Variants in ANKFN1 observed in about 807,000 individuals in gnomAD.
The protein encoded by ANKFN1 is ankyrin repeat and fibronectin type III domain containing 1.
Under a neutral mutation model 108.7 loss-of-function variants are expected in ANKFN1, and 74 were observed. The observed-to-expected ratio is 0.68, with a 90% CI of 0.56 to 0.83. The LOEUF (loss-of-function observed/expected upper bound fraction) is 0.83. ANKFN1 is among the 40% of genes least tolerant of loss of function. The probability of loss-of-function intolerance (pLI) is 0.00; values close to 1 mark genes in which losing one functional copy is unlikely to be tolerated. For synonymous variants in ANKFN1, 547 were observed against 516.2 expected, an observed-to-expected ratio of 1.06 and a Z score of -0.81; for missense variants, 1,505 against 1,382.3, an observed-to-expected ratio of 1.09 and a Z score of -1.41.
intron 3 of ANKFN1, among the ~76,000 whole-genome samples, chr17:56,249,233 G>A (rs1019697279): frequency 3.3e-5 from 5 of 152,044 alleles, no homozygotes; most frequent in African/African-American, 7.2e-5. Context: ...TCAGGAGTTC[G>A]AGACCAGCCT....
At chr17:56,256,945 A>G (rs1004148792) in intron 3 of ANKFN1, among the ~76,000 whole-genome samples, 9 of 152,352 alleles carry the variant, frequency 5.9e-5, no homozygotes, top group African/African-American at 2.2e-4. Flanking sequence ...ATTCATTCAT[A>G]TTAGTCCCAG....
chr17:56,133,635 A>G (rs7216425), intron 4 of ANKFN1, among the ~76,000 whole-genome samples: 23,898 of 131,704 alleles, frequency 0.18, 2,069 homozygotes, highest in East Asian at 0.4. Flanking sequence ...GCTACATTCC[A>G]TCACTCTACA....
chr17:56,473,489 C>T (rs1461009486), intron 15 of ANKFN1: 3 of 151,760 alleles, frequency 2.0e-5, no homozygotes, highest in Non-Finnish European at 4.4e-5. Context: ...ATGGCGAAAC[C>T]CCATCTTTAC....
intron 4 of ANKFN1, among the ~76,000 whole-genome samples, chr17:56,136,694 T>C (rs1252339649): frequency 6.6e-6 from 1 of 152,192 alleles, no homozygotes; most frequent in Non-Finnish European, 1.5e-5. Context: ...ACCTACAGAA[T>C]AGAGGGGACA....
chr17:56,313,318 T>C (rs569018328), intron 3 of ANKFN1, among the ~76,000 whole-genome samples: 1 of 152,256 alleles, frequency 6.6e-6, no homozygotes, highest in East Asian at 1.9e-4. Flanking sequence ...TGGAACAGTA[T>C]GTGCAAAGAT....
At chr17:56,231,381 A>C (rs184643168) in intron 3 of ANKFN1, among the ~76,000 whole-genome samples, 92 of 152,198 alleles carry the variant, frequency 6.0e-4, no homozygotes, top group African/African-American at 2.0e-3. Context: ...TTTGCAGAGG[A>C]GGTCTATGGC....
At chr17:56,365,813 G>A (rs986644841) in intron 6 of ANKFN1, among the ~76,000 whole-genome samples, 12 of 152,154 alleles carry the variant, frequency 7.9e-5, no homozygotes, top group African/African-American at 2.9e-4. Context: ...TAAAAGTATG[G>A]CACATACAGT....
chr17:56,228,061 C>A, intron 3 of ANKFN1, 104 bp downstream of exon 3: 7 of 963,196 alleles, frequency 7.3e-6, no homozygotes, highest in Non-Finnish European at 1.1e-5. Flanking sequence ...TTTTTAAAGT[C>A]TAGCTCAGCA....
intron 8 of ANKFN1, among the ~76,000 whole-genome samples, chr17:56,419,056 G>A (rs1311116158): frequency 1.3e-5 from 2 of 152,310 alleles, no homozygotes; most frequent in East Asian, 3.9e-4. Context: ...TTAGATGTCT[G>A]CATTTTTAAC....
chr17:56,055,085 A>G (rs994651674), intron 4 of ANKFN1, among the ~76,000 whole-genome samples: 2 of 146,188 alleles, frequency 1.4e-5, no homozygotes, highest in Non-Finnish European at 3.0e-5. Context: ...ATTTTCTTTG[A>G]TTCAGGGGGT....
chr17:56,116,643 C>G (rs1284037668), intron 4 of ANKFN1, among the ~76,000 whole-genome samples: 2 of 152,054 alleles, frequency 1.3e-5, no homozygotes, highest in Admixed American at 6.6e-5. Context: ...GATGAAGTAC[C>G]CTGAAGGCTT....
At chr17:56,340,241 T>C (rs2045925980) in intron 4 of ANKFN1, among the ~76,000 whole-genome samples, 1 of 152,040 alleles carries the variant, frequency 6.6e-6, no homozygotes, top group Non-Finnish European at 1.5e-5. Context: ...AAATTTCTCT[T>C]TTTCTGTAAG....
chr17:56,079,919 C>T (rs981048002), intron 4 of ANKFN1, among the ~76,000 whole-genome samples: 1 of 151,996 alleles, frequency 6.6e-6, no homozygotes, highest in Non-Finnish European at 1.5e-5. Flanking sequence ...GCAGGGTAAT[C>T]TATTTATAAT....
At chr17:56,070,111 C>T (rs1466229646) in intron 4 of ANKFN1, among the ~76,000 whole-genome samples, 1 of 152,148 alleles carries the variant, frequency 6.6e-6, no homozygotes, top group African/African-American at 2.4e-5. Context: ...ATCTTGTGCC[C>T]ACCTCCTATC....
At chr17:56,312,695 T>TG (rs1382469952) in intron 3 of ANKFN1, among the ~76,000 whole-genome samples, 3 of 152,178 alleles carry the variant, frequency 2.0e-5, no homozygotes, top group African/African-American at 7.2e-5. Flanking sequence ...GTTCATCACA[T>TG]ATTTGTAGGG....
chr17:56,288,241 G>T (rs552288052), intron 3 of ANKFN1, among the ~76,000 whole-genome samples: 2 of 152,066 alleles, frequency 1.3e-5, no homozygotes, highest in Non-Finnish European at 2.9e-5. Flanking sequence ...ACTGTTATTA[G>T]TTTCCTGTGT....
At chr17:56,270,079 TTTTTG>T (rs961224100) in intron 3 of ANKFN1, among the ~76,000 whole-genome samples, 1 of 152,230 alleles carries the variant, frequency 6.6e-6, no homozygotes, top group African/African-American at 2.4e-5. Flanking sequence ...TCTTGTTTGT[TTTTTG>T]TTTTGTTTTG....
chr17:56,135,198 G>A (rs1907527949), intron 4 of ANKFN1, among the ~76,000 whole-genome samples: 1 of 152,078 alleles, frequency 6.6e-6, no homozygotes, highest in South Asian at 2.1e-4. Context: ...TTTTATAAAG[G>A]CTATAGGTTG....
At chr17:56,433,032 T>C (rs1567997428) in intron 8 of ANKFN1, among the ~76,000 whole-genome samples, 1 of 152,186 alleles carries the variant, frequency 6.6e-6, no homozygotes, top group Non-Finnish European at 1.5e-5. Context: ...TATATACATA[T>C]GCGTATAATC....
Sources: gnomAD v4.1 joint callset for allele counts (sites outside exome capture counted in the v4.1 genomes callset) on GRCh38, gnomAD v4.1.1 for gene constraint, MANE v1.5 for transcripts, NCBI Gene and HGNC (gene_info 2026-07-23, HGNC 2026-07-21) for gene names.